Variants in IL1RAPL1 observed in about 807,000 individuals in gnomAD.
IL1RAPL1 encodes interleukin-1 receptor accessory protein-like 1.
Under a neutral mutation model 48.4 loss-of-function variants are expected in IL1RAPL1, and 3 were observed. The observed-to-expected ratio is 0.06, with a 90% CI of 0.03 to 0.16. The LOEUF is 0.16. Among genes scored for constraint, IL1RAPL1 ranks in the 10% least tolerant of loss-of-function variants. The pLI, the probability that IL1RAPL1 is intolerant of heterozygous loss-of-function variation, is 1.00. For synonymous variants in IL1RAPL1, 185 were observed against 187.7 expected, an observed-to-expected ratio of 0.99 and a Z score of 0.12; for missense variants, 349 against 530.6, an observed-to-expected ratio of 0.66 and a Z score of 3.36.
intron 3 of IL1RAPL1, among the ~76,000 whole-genome samples, chrX:29,371,565 A>T (rs56385140): frequency 0.11 from 12,194 of 111,599 alleles, 507 homozygotes; most frequent in South Asian, 0.17. Context: ...AGTACCCGAT[A>T]GGTAGTTTTT....
chrX:28,960,347 A>G (rs1924735361), intron 2 of IL1RAPL1, among the ~76,000 whole-genome samples: 1 of 111,689 alleles, frequency 9.0e-6, no homozygotes, highest in Non-Finnish European at 1.9e-5. Flanking sequence ...ATTTCCCAGT[A>G]TGTGTCTTTA....
intron 8 of IL1RAPL1, among the ~76,000 whole-genome samples, chrX:29,925,337 C>T (rs1443573895): frequency 1.1e-5 from 1 of 94,221 alleles, no homozygotes; most frequent in African/African-American, 3.9e-5. Flanking sequence ...AAATAAAAGT[C>T]AACAAGTTTA....
rs187954097 is a variant in IL1RAPL1 at position 28,740,179 on chromosome X, T to G, written c.-24-49141T>G. ...ATCCAATAAACCCAGGATAATAGTT[T>G]TGAAGGAAGAGAGATGTAGGTTTAG... is the stretch of plus-strand genomic sequence containing the variant. On this transcript the variant is annotated intron_variant, in intron 1 of 10. Transcript: ENST00000378993. 1.2e-3 allele frequency among the ~76,000 whole-genome samples: 130 copies of G among 111,804 alleles called. 1 individual carries two copies. The highest frequency in any genetic ancestry group is 2.1e-4 in the Non-Finnish European group (11 of 53,125).
At position 29,081,020 on chromosome X, in the gene IL1RAPL1, C is replaced by CTTTCTTTTCTTTTCTTTTCT. The variant is rs60180938; in HGVS notation, c.83-201895_83-201876dup. On this transcript the variant is annotated intron_variant, in intron 2 of 10. Transcript: ENST00000378993. ...TCTCTCTCTCTCTCTCTCTCTCTCTCTTTCTTTTCTTTTCTTTTCTTTTCT... is the reference window on the plus strand; with the variant it reads ...TCTCTCTCTCTCTCTCTCTCTCTCTCTTTCTTTTCTTTTCTTTTCTTTTCTTTTCTTTTCTTTTCTTTTCT... Among the ~76,000 whole-genome samples the CTTTCTTTTCTTTTCTTTTCT allele has an allele frequency of 8.1e-4, 34 of 41,901 alleles. 1 individual carries two copies. The highest frequency in any genetic ancestry group is 2.7e-3 in the East Asian group (3 of 1,097). 36.4% of individuals were successfully genotyped at this position (41,901 alleles called of 115,157 possible). A position where few individuals can be genotyped will look rare whatever the true frequency, so the allele number is the denominator to read the frequency against.
intron 5 of IL1RAPL1, among the ~76,000 whole-genome samples, chrX:29,470,076 A>G: frequency 8.9e-6 from 1 of 112,405 alleles, no homozygotes; most frequent in Admixed American, 9.4e-5. Flanking sequence ...TCTAGAACAG[A>G]CTAATTTGAA....
At chrX:29,521,071 G>C (rs1264694280) in intron 5 of IL1RAPL1, among the ~76,000 whole-genome samples, 1 of 111,740 alleles carries the variant, frequency 8.9e-6, no homozygotes, top group Non-Finnish European at 1.9e-5. Flanking sequence ...ATTAGAAAGT[G>C]ACCCAAAATG....
chrX:28,864,786 A>G (rs1057287643), intron 2 of IL1RAPL1, among the ~76,000 whole-genome samples: 4 of 111,801 alleles, frequency 3.6e-5, no homozygotes, highest in African/African-American at 1.3e-4. Context: ...TTTTTAGATC[A>G]GTGTAGCTCT....
intron 3 of IL1RAPL1, among the ~76,000 whole-genome samples, chrX:29,338,285 G>A (rs1043037779): frequency 9.1e-6 from 1 of 110,282 alleles, no homozygotes; most frequent in African/African-American, 3.3e-5. Context: ...ACACACACAC[G>A]CACATTGCTG....
intron 6 of IL1RAPL1, among the ~76,000 whole-genome samples, chrX:29,835,015 C>T (rs1480510000): frequency 8.9e-6 from 1 of 111,932 alleles, no homozygotes; most frequent in Non-Finnish European, 1.9e-5. Context: ...GCCAAACATT[C>T]AAAAACATTG....
At chrX:29,108,046 A>G (rs760973474) in intron 2 of IL1RAPL1, among the ~76,000 whole-genome samples, 3 of 111,769 alleles carry the variant, frequency 2.7e-5, no homozygotes, top group Non-Finnish European at 5.6e-5. Flanking sequence ...AGCTCAATAA[A>G]CAGAATGTTA....
At chrX:29,750,832 A>G (rs746711554) in intron 6 of IL1RAPL1, among the ~76,000 whole-genome samples, 2 of 111,484 alleles carry the variant, frequency 1.8e-5, no homozygotes, top group South Asian at 7.5e-4. Flanking sequence ...AATTATAGCC[A>G]TGGAACGAAA....
chrX:28,815,882 T>TATAA (rs1936863402), intron 2 of IL1RAPL1, among the ~76,000 whole-genome samples: 41 of 75,480 alleles, frequency 5.4e-4, no homozygotes, highest in East Asian at 2.6e-3. Context: ...TATATATATA[T>TATAA]ATAATTTTTT....
At position 29,596,742 on chromosome X, in the gene IL1RAPL1, C is replaced by T. The variant is rs572988153; in HGVS notation, c.704-71688C>T. Among the ~76,000 whole-genome samples, 36 of 111,852 alleles carry T rather than the reference C, an allele frequency of 3.2e-4. 1 individual carries two copies. Among genetic ancestry groups the T allele is most frequent in the African/African-American group, 5.8e-4 (18 of 30,847 alleles). On this transcript the variant is annotated intron_variant, in intron 5 of 10. Transcript: ENST00000378993. The stretch of plus-strand genomic sequence containing the variant: ...TTTATTTCTTTCTCTTGTCTGATTG[C>T]GCTGGCTGGGACTTCCAGTATTATG...
At chrX:29,014,874 C>G (rs1926205420) in intron 2 of IL1RAPL1, among the ~76,000 whole-genome samples, 3 of 111,394 alleles carry the variant, frequency 2.7e-5, no homozygotes, top group African/African-American at 9.8e-5. Flanking sequence ...ATTATGCTCT[C>G]ATGAATATTT....
intron 3 of IL1RAPL1, among the ~76,000 whole-genome samples, chrX:29,383,124 A>G (rs949551800): frequency 5.3e-5 from 6 of 112,352 alleles, no homozygotes; most frequent in Non-Finnish European, 1.1e-4. Flanking sequence ...GAAGTTGACC[A>G]TAATCTGAGT....
intron 3 of IL1RAPL1, among the ~76,000 whole-genome samples, chrX:29,334,017 C>CA (rs1932932925): frequency 3.0e-5 from 2 of 65,662 alleles, no homozygotes; most frequent in Admixed American, 1.4e-4. Flanking sequence ...GCTGGCCGGG[C>CA]GGGGGGCTGA....
intron 2 of IL1RAPL1, among the ~76,000 whole-genome samples, chrX:28,814,375 G>GTGTGTA (rs1197243596): frequency 2.8e-5 from 3 of 107,756 alleles, no homozygotes; most frequent in Non-Finnish European, 5.8e-5. Flanking sequence ...GTGTGTGTGT[G>GTGTGTA]TGTGTATGTG....
chrX:28,819,569 T>G (rs754820926), intron 2 of IL1RAPL1, among the ~76,000 whole-genome samples: 96 of 110,877 alleles, frequency 8.7e-4, no homozygotes, highest in African/African-American at 3.1e-3. Flanking sequence ...GAAGTCTAAA[T>G]TTTTGTAATA....
At chrX:28,754,844 T>C (rs1936088854) in intron 1 of IL1RAPL1, among the ~76,000 whole-genome samples, 1 of 112,098 alleles carries the variant, frequency 8.9e-6, no homozygotes, top group South Asian at 3.7e-4. Context: ...ATAAAATGCT[T>C]CCCCTCTTTG....
Sources: gnomAD v4.1 joint callset for allele counts (sites outside exome capture counted in the v4.1 genomes callset) on GRCh38, gnomAD v4.1.1 for gene constraint, MANE v1.5 for transcripts, NCBI Gene and HGNC (gene_info 2026-07-23, HGNC 2026-07-21) for gene names.